OSGIN2: variants seen among roughly 807,000 people sequenced by gnomAD.
OSGIN2 encodes oxidative stress induced growth inhibitor family member 2.
Under a neutral mutation model 53.8 loss-of-function variants are expected in OSGIN2, and 19 were observed. The ratio of observed to expected loss-of-function variants is 0.35; its 90% CI spans 0.25 to 0.52. The LOEUF (loss-of-function observed/expected upper bound fraction) is 0.52, where lower values mean the gene tolerates loss of function less well. OSGIN2 is among the 20% of genes least tolerant of loss of function. The probability of loss-of-function intolerance (pLI) is 0.95; values close to 1 mark genes in which losing one functional copy is unlikely to be tolerated. For missense variants in OSGIN2, 520 were observed against 662.7 expected, an observed-to-expected ratio of 0.78 and a Z score of 2.36; for synonymous variants, 236 against 236.0, an observed-to-expected ratio of 1.00 and a Z score of 0.00.
chr8:89,920,269 A>G lies in OSGIN2; in HGVS notation c.529-811A>G, dbSNP rs146062630. On this transcript the variant is annotated intron_variant, in intron 4 of 5. Coordinates refer to ENST00000451899, the MANE Select transcript of OSGIN2 (RefSeq NM_001126111.3). The stretch of plus-strand genomic sequence containing the variant: ...AATGAGGTTTCACAGGGCCTAGTAC[A>G]TAGTAAGTACTCTGTGAAAGTCAGT... Among the ~76,000 whole-genome samples, 690 of 152,238 alleles carry G rather than the reference A, an allele frequency of 4.5e-3. 5 individuals carry two copies. Among genetic ancestry groups the G allele is most frequent in the African/African-American group, 0.016 (650 of 41,508 alleles).
rs1405803165 is a variant in OSGIN2, at chr8:89,924,572, G to C, written c.690G>C (p.Met230Ile). The part of the protein sequence containing the change: ...ARYYKHYVKV[M>I]GLQKNFRENT... ...ACTATAAACATTATGTAAAAGTCATGGGTCTTCAGAAGAATTTCAGAGAGA... is the reference window on the plus strand; with the variant it reads ...ACTATAAACATTATGTAAAAGTCATCGGTCTTCAGAAGAATTTCAGAGAGA... The change falls in exon 6 of 6, where the codon ATG (methionine) becomes ATC (isoleucine). Residue 230 changes from methionine (M) to isoleucine (I), a missense_variant. By Grantham distance (10) the Met-to-Ile change is conservative (BLOSUM62 1). Transcript: ENST00000451899. 3 of 1,613,542 alleles carry C rather than the reference G, an allele frequency of 1.9e-6. No individual in the cohort carries two copies. Among genetic ancestry groups the C allele is most frequent in the African/African-American group, 2.7e-5 (2 of 74,868 alleles).
rs1014566111 is a variant in OSGIN2, at chr8:89,926,646, T to C, written c.*1114T>C. The C allele has an allele frequency of 1.4e-4, 21 of 152,256 alleles. No individual in the cohort carries two copies. Among genetic ancestry groups the C allele is most frequent in the African/African-American group, 4.8e-4 (20 of 41,464 alleles). The allele number at this position is 152,256 out of a possible 1,614,324, so 9.4% of individuals were successfully genotyped here. A position where few individuals can be genotyped will look rare whatever the true frequency, so the allele number is the denominator to read the frequency against. On this transcript the variant is annotated 3_prime_UTR_variant, in exon 6 of 6. Coordinates refer to ENST00000451899, the MANE Select transcript of OSGIN2 (RefSeq NM_001126111.3). ...ATTGGATTTATCTGTTCTAATTATA[T>C]AAGTGTGTTTACTGTCTGTGTTTTC...
intron 4 of OSGIN2, among the ~76,000 whole-genome samples, chr8:89,920,868 G>A (rs1809182946): frequency 6.6e-6 from 1 of 152,176 alleles, no homozygotes. Context: ...AAAGAAGGTT[G>A]TCGGGATAAT....
chr8:89,924,314 T>A (rs1298784843), intron 5 of OSGIN2, among the ~76,000 whole-genome samples, 189 bp from the exon 6 acceptor site: 2 of 152,204 alleles, frequency 1.3e-5, no homozygotes, highest in African/African-American at 4.8e-5. Flanking sequence ...TTCTTCCAAT[T>A]TTTTGCTAAA....
At chr8:89,907,207 G>C (rs1345355543) in intron 1 of OSGIN2, among the ~76,000 whole-genome samples, 1 of 152,076 alleles carries the variant, frequency 6.6e-6, no homozygotes, top group Non-Finnish European at 1.5e-5. Context: ...CATTCTGTTG[G>C]TTGTCTGTTT....
In OSGIN2 at chr8:89,914,703, C is replaced by T. The variant is rs772626510; in HGVS notation, c.485C>T (p.Pro162Leu). ...AAATTAGAGCAACATCATTATATCC[C>T]TCACGTAGTTCTTGGTAAAGGTCCA... The part of the protein sequence containing the change: ...HWKLEQHHYI[P>L]HVVLGKGPPG... The change falls in exon 4 of 6, where the codon CCT becomes CTT. Residue 162 changes from proline to leucine, a missense_variant. By Grantham distance (98) the Pro-to-Leu change is moderately conservative. Transcript: ENST00000451899. 6.2e-7 allele frequency: 1 copy of T among 1,613,984 alleles called. No individual in the cohort carries two copies. Among genetic ancestry groups the T allele is most frequent in the Non-Finnish European group, 8.5e-7 (1 of 1,179,870 alleles).
At chr8:89,907,883 A>T (rs1808873180) in intron 1 of OSGIN2, among the ~76,000 whole-genome samples, 1 of 152,186 alleles carries the variant, frequency 6.6e-6, no homozygotes. Context: ...TTTTAATGAT[A>T]CTGATTCTTC....
Position 89,927,848 on chromosome 8 carries a change from T to TA in OSGIN2, c.*2319dup, listed in dbSNP as rs1414621419. The TA allele has an allele frequency of 6.6e-6, 1 of 152,258 alleles. No homozygotes were observed. The highest frequency in any genetic ancestry group is 1.5e-5 in the Non-Finnish European group (1 of 68,046). The allele number at this position is 152,258 out of a possible 1,614,324, so 9.4% of individuals were successfully genotyped here. ...TCAATAGGAAGTGGTGGAAAATTTCTAAATAAATTCAACTATTAAATAAAT... is the reference window on the plus strand; with the variant it reads ...TCAATAGGAAGTGGTGGAAAATTTCTAAAATAAATTCAACTATTAAATAAAT... On this transcript the variant is annotated 3_prime_UTR_variant, in exon 6 of 6. Transcript: ENST00000451899.
chr8:89,912,562 A>ACCC (rs1808988027), intron 2 of OSGIN2, among the ~76,000 whole-genome samples: 1 of 152,152 alleles, frequency 6.6e-6, no homozygotes, highest in South Asian at 2.1e-4. Flanking sequence ...CCTGGCCAAC[A>ACCC]CGCTGAAACC....
Position 89,924,574 on chromosome 8 carries a change from G to A in OSGIN2, c.692G>A (p.Gly231Asp). Residue 231 changes from glycine to aspartate, a missense_variant, in exon 6 of 6, where the codon GGT (glycine) becomes GAT (aspartate). Physicochemically the swap from Gly to Asp is moderately conservative, Grantham distance 94 (BLOSUM62 -1). Transcript: ENST00000451899. Reference sequence around the variant, plus strand: ...TATAAACATTATGTAAAAGTCATGGGTCTTCAGAAGAATTTCAGAGAGAAT... The same window carrying A: ...TATAAACATTATGTAAAAGTCATGGATCTTCAGAAGAATTTCAGAGAGAAT... ...RYYKHYVKVM[G>D]LQKNFRENTY... 3 of 1,613,742 alleles carry A rather than the reference G, an allele frequency of 1.9e-6. No individual in the cohort carries two copies. The highest frequency in any genetic ancestry group is 2.5e-6 in the Non-Finnish European group (3 of 1,179,708).
intron 5 of OSGIN2, among the ~76,000 whole-genome samples, chr8:89,922,621 G>C (rs1320030259): frequency 6.6e-6 from 1 of 152,142 alleles, no homozygotes; most frequent in Admixed American, 6.5e-5. Context: ...GAGATTGGTG[G>C]AGTTTGAGTT....
In OSGIN2 at chr8:89,902,874, G is replaced by A. The variant is rs1457578215; in HGVS notation, c.44+37G>A. 2.3e-6 allele frequency: 3 copies of A among 1,329,738 alleles called. No individual in the cohort carries two copies. In the African/African-American group the frequency reaches 4.6e-5, roughly 20 times the overall value. The allele number at this position is 1,329,738 out of a possible 1,614,324, so 82.4% of individuals were successfully genotyped here. ...GCCGGGGATGGGAGGGGAGCAGGCG[G>A]GGATGCCGCGCTCTCGAGCTTTTTG... On this transcript the variant is annotated intron_variant, in intron 1 of 5. Coordinates refer to ENST00000451899, the MANE Select transcript of OSGIN2 (RefSeq NM_001126111.3).
Position 89,924,742 on chromosome 8 carries a change from T to C in OSGIN2, c.860T>C (p.Ile287Thr), listed in dbSNP as rs375520231. The C allele has an allele frequency of 3.1e-6, 5 of 1,614,074 alleles. No homozygotes were observed. Among genetic ancestry groups the C allele is most frequent in the Admixed American group, 1.7e-5 (1 of 60,006 alleles). ...RNWEIRGYQRIADGSHVPFCL... is the reference protein window; with the variant it reads ...RNWEIRGYQRTADGSHVPFCL... Reference sequence around the variant, plus strand: ...TGGGAAATTAGGGGTTATCAGCGAATAGCTGATGGTTCTCATGTTCCCTTC... The same window carrying C: ...TGGGAAATTAGGGGTTATCAGCGAACAGCTGATGGTTCTCATGTTCCCTTC... The change falls in exon 6 of 6, where the codon ATA becomes ACA. Residue 287 changes from isoleucine to threonine, a missense_variant. By Grantham distance (89) the Ile-to-Thr change is moderately conservative. Around this residue, in one of 3 missense-constraint regions of OSGIN2, gnomAD observed 239 missense variants for 328.3 expected, o/e 0.73. Transcript: ENST00000451899.
chr8:89,914,451 G>T, intron 3 of OSGIN2, 104 bp from the exon 4 acceptor site: 1 of 834,406 alleles, frequency 1.2e-6, no homozygotes, highest in Non-Finnish European at 1.9e-6. Context: ...TGGTCAAGTT[G>T]GGGGTACTGC....
chr8:89,909,709 G>T lies in OSGIN2; in HGVS notation c.187G>T (p.Val63Leu). The T allele has an allele frequency of 6.2e-7, 1 of 1,602,616 alleles. No homozygotes were observed. Among genetic ancestry groups the T allele is most frequent in the Non-Finnish European group, 8.5e-7 (1 of 1,171,780 alleles). The change falls in exon 2 of 6, where the codon GTG becomes TTG. Residue 63 changes from valine (V) to leucine (L), a missense_variant. This residue lies in a region of OSGIN2 where 203 missense variants were observed against 275.3 expected (regional missense o/e 0.74). Coordinates refer to ENST00000451899, the MANE Select transcript of OSGIN2 (RefSeq NM_001126111.3). ...GGAAGATTCGTCAGTGACTTTTCCT[G>T]TGGTAATAATAGGTAAGTTATTGTA... The part of the protein sequence containing the change: ...LLEDSSVTFP[V>L]VIIGNGPSGI...
chr8:89,922,021 AATTT>A (rs1172666530), intron 5 of OSGIN2, among the ~76,000 whole-genome samples: 2 of 152,162 alleles, frequency 1.3e-5, no homozygotes, highest in Non-Finnish European at 2.9e-5. Flanking sequence ...GAAAACTATA[AATTT>A]ATTTATTTTA....
chr8:89,916,534 G>A (rs552916746), intron 4 of OSGIN2, among the ~76,000 whole-genome samples: 4 of 151,922 alleles, frequency 2.6e-5, no homozygotes, highest in East Asian at 1.9e-4. Context: ...CTGTTTATGC[G>A]ACCATCTCCC....
chr8:89,919,228 C>G (rs1809147056), intron 4 of OSGIN2, among the ~76,000 whole-genome samples: 1 of 152,146 alleles, frequency 6.6e-6, no homozygotes, highest in Admixed American at 6.5e-5. Flanking sequence ...ATAGGATTCA[C>G]AGGACTCAGT....
chr8:89,924,443 A>G, intron 5 of OSGIN2, 60 bp from the exon 6 acceptor site: 2 of 1,230,346 alleles, frequency 1.6e-6, no homozygotes, highest in Non-Finnish European at 2.3e-6. Context: ...GTAGATAAGT[A>G]ATAATCATGG....
Sources: gnomAD v4.1 joint callset for allele counts (sites outside exome capture counted in the v4.1 genomes callset) on GRCh38, gnomAD v4.1.1 for gene constraint, gnomAD v4.1.1 regional missense constraint, MANE v1.5 for transcripts, NCBI Gene and HGNC (gene_info 2026-07-23, HGNC 2026-07-21) for gene names.